CFAP70: variants seen among roughly 807,000 people sequenced by gnomAD.
CFAP70 encodes the protein cilia- and flagella-associated protein 70.
CFAP70 carries 81 observed loss-of-function variants against 137.6 expected under a neutral mutation model. The observed-to-expected ratio is 0.59, with a 90% confidence interval of 0.49 to 0.71. The LOEUF (loss-of-function observed/expected upper bound fraction) is 0.71. Ranked by LOEUF, CFAP70 falls within the 30% of genes least tolerant of loss-of-function variation. The probability of loss-of-function intolerance (pLI) is 0.00; values close to 1 mark genes in which losing one functional copy is unlikely to be tolerated. For synonymous variants in CFAP70, 382 were observed against 423.6 expected (o/e 0.90, Z 1.20); for missense variants, 976 against 1,226.7 (o/e 0.80, Z 3.05).
intron 26 of CFAP70, 110 bp from the exon 28 acceptor site, chr10:73,254,165 G>A (rs530006768): frequency 5.4e-4 from 420 of 781,408 alleles, no homozygotes; most frequent in Middle Eastern, 1.1e-3. Context: ...TAGTTCCCTG[G>A]GATGGAATTG....
intron 14 of CFAP70, 83 bp downstream of exon 15, chr10:73,298,824 T>C: frequency 7.8e-7 from 1 of 1,275,628 alleles, no homozygotes; most frequent in Non-Finnish European, 1.1e-6. Context: ...CTGAACATAA[T>C]CAGAGGAGAA....
intron 19 of CFAP70, among the ~76,000 whole-genome samples, chr10:73,284,739 C>CATATATATAT (rs539417737): frequency 3.6e-5 from 1 of 27,502 alleles, no homozygotes; most frequent in African/African-American, 8.2e-5. Context: ...TGACCTGCCA[C>CATATATATAT]ATATATATAT....
At chr10:73,278,325 G>A in exon 20 of CFAP70, 1 of 1,613,522 alleles carries the variant, frequency 6.2e-7, no homozygotes, top group Non-Finnish European at 8.5e-7. Flanking sequence ...AATAGATAAT[G>A]CAGCTCCTGG....
At chr10:73,333,554 T>G (rs1318566165) in intron 7 of CFAP70, among the ~76,000 whole-genome samples, 2 of 152,120 alleles carry the variant, frequency 1.3e-5, no homozygotes, top group Non-Finnish European at 2.9e-5. Flanking sequence ...AGAAATACAT[T>G]GGACTTCTCT....
At chr10:73,355,551 G>A (rs1336749082) in intron 1 of CFAP70, among the ~76,000 whole-genome samples, 1 of 152,212 alleles carries the variant, frequency 6.6e-6, no homozygotes, top group Admixed American at 6.5e-5. Context: ...GGCGAGGCGG[G>A]CGGATCACCA....
At chr10:73,256,223 C>A (rs771935481) in intron 26 of CFAP70, 146 bp downstream of exon 27, 2 of 808,718 alleles carry the variant, frequency 2.5e-6, no homozygotes, top group Non-Finnish European at 3.9e-6. Context: ...ACAAACCCAG[C>A]AGCCCCACGA....
exon 27 of CFAP70, chr10:73,253,951 GA>G (rs1259673845): frequency 6.3e-7 from 1 of 1,580,972 alleles, no homozygotes; most frequent in South Asian, 1.1e-5. Flanking sequence ...GTCCCATGCA[GA>G]AAATTGTTCA....
intron 6 of CFAP70, among the ~76,000 whole-genome samples, chr10:73,337,887 C>G (rs2052832682): frequency 6.6e-6 from 1 of 152,106 alleles, no homozygotes; most frequent in South Asian, 2.1e-4. Flanking sequence ...GCCTGGGCAA[C>G]AGGAAGGAAA....
At chr10:73,355,755 G>A (rs2054628047) in intron 1 of CFAP70, among the ~76,000 whole-genome samples, 1 of 152,186 alleles carries the variant, frequency 6.6e-6, no homozygotes, top group Admixed American at 6.5e-5. Flanking sequence ...TCCAGCCTGG[G>A]CAAAAGAGTG....
At chr10:73,318,934 C>T (rs1018537726) in intron 9 of CFAP70, among the ~76,000 whole-genome samples, 2 of 152,172 alleles carry the variant, frequency 1.3e-5, no homozygotes, top group Admixed American at 6.5e-5. Flanking sequence ...TACGCTTCTA[C>T]GAGCAGTGAA....
intron 12 of CFAP70, among the ~76,000 whole-genome samples, chr10:73,306,480 C>T (rs2049388716): frequency 6.6e-6 from 1 of 151,998 alleles, no homozygotes; most frequent in Non-Finnish European, 1.5e-5. Context: ...TACAAGTGAT[C>T]CTCAATAAGA....
exon 9 of CFAP70, chr10:73,322,963 C>A: frequency 6.3e-7 from 1 of 1,580,254 alleles, no homozygotes; most frequent in Non-Finnish European, 8.6e-7. Flanking sequence ...TTTTTCTTAC[C>A]TTTTCATGGA....
intron 15 of CFAP70, chr10:73,296,317 A>G (rs1216378394): frequency 6.6e-6 from 1 of 152,208 alleles, no homozygotes; most frequent in Non-Finnish European, 1.5e-5. Flanking sequence ...TGTTCTCTTA[A>G]TCCTTTGATG....
intron 9 of CFAP70, among the ~76,000 whole-genome samples, chr10:73,313,241 G>A (rs947257592): frequency 5.9e-5 from 9 of 151,782 alleles, no homozygotes; most frequent in East Asian, 3.9e-4. Flanking sequence ...GCGTGGTGGC[G>A]GGTGCCTGTA....
chr10:73,339,724 G>A (rs2053072852), intron 6 of CFAP70, among the ~76,000 whole-genome samples: 1 of 152,214 alleles, frequency 6.6e-6, no homozygotes, highest in African/African-American at 2.4e-5. Context: ...GGCTGTGGCT[G>A]AACCAGGCAT....
intron 15 of CFAP70, chr10:73,295,911 C>T (rs1404640111): frequency 1.3e-5 from 2 of 152,324 alleles, no homozygotes; most frequent in East Asian, 3.9e-4. Flanking sequence ...CCCACTAGAG[C>T]CTATGTTCAA....
At chr10:73,280,339 A>C (rs1220132698) in intron 19 of CFAP70, among the ~76,000 whole-genome samples, 1 of 152,072 alleles carries the variant, frequency 6.6e-6, no homozygotes, top group Non-Finnish European at 1.5e-5. Context: ...TAAATAAATA[A>C]ATAAGTATTG....
intron 12 of CFAP70, among the ~76,000 whole-genome samples, chr10:73,301,928 G>A (rs1310246871): frequency 6.6e-6 from 1 of 152,130 alleles, no homozygotes; most frequent in Non-Finnish European, 1.5e-5. Context: ...GAAAGAAAAG[G>A]TGATGGTGGT....
At chr10:73,308,021 G>A (rs964776785) in intron 12 of CFAP70, among the ~76,000 whole-genome samples, 3 of 151,344 alleles carry the variant, frequency 2.0e-5, no homozygotes, top group Non-Finnish European at 4.4e-5. Flanking sequence ...TGGGTGCAGC[G>A]ATGTGCTCCT....
Sources: gnomAD v4.1 joint callset for allele counts (sites outside exome capture counted in the v4.1 genomes callset) on GRCh38, gnomAD v4.1.1 for gene constraint, MANE v1.5 for transcripts, NCBI Gene and HGNC (gene_info 2026-07-23, HGNC 2026-07-21) for gene names.